Variants in NF1 observed in about 807,000 individuals in gnomAD.
The protein encoded by NF1 is neurofibromin.
NF1 carries 122 observed loss-of-function variants against 325.7 expected under a neutral mutation model. The observed-to-expected ratio is 0.37, with a 90% confidence interval of 0.32 to 0.44. NF1 has a LOEUF of 0.44. Ranked by LOEUF, NF1 falls within the 20% of genes least tolerant of loss-of-function variation. The probability of loss-of-function intolerance (pLI) is 1.00; values close to 1 mark genes in which losing one functional copy is unlikely to be tolerated. For missense variants in NF1, 2,140 were observed against 3,415.4 expected (o/e 0.63, Z 9.31); for synonymous variants, 1,091 against 1,186.0 (o/e 0.92, Z 1.65).
At chr17:31,339,706 C>T (rs998355478) in intron 46 of NF1, among the ~76,000 whole-genome samples, 5 of 152,202 alleles carry the variant, frequency 3.3e-5, no homozygotes, top group African/African-American at 1.2e-4. Context: ...CTATTTGACT[C>T]TAAAGTCCAT....
Position 31,335,853 on chromosome 17 carries a change from ATTTTTTTT to A in NF1, c.6007-466_6007-459del, listed in dbSNP as rs71360768. The stretch of plus-strand genomic sequence containing the variant: ...ACCAACACACCTGGCTAATTTTTGT[ATTTTTTTT>A]TTTTTTTTTTTTTAGAGATAGGGTT... On this transcript the variant is annotated intron_variant, in intron 40 of 57. Coordinates refer to ENST00000358273, the MANE Select transcript of NF1 (RefSeq NM_001042492.3). Among the ~76,000 whole-genome samples the A allele has an allele frequency of 1.2e-4, 14 of 112,764 alleles. No individual in the cohort carries two copies. The South Asian group carries it at 2.8e-3, about 23-fold the overall frequency. The allele number at this position is 112,764 out of a possible 152,430, so 74.0% of individuals were successfully genotyped here. A position where few individuals can be genotyped will look rare whatever the true frequency, so the allele number is the denominator to read the frequency against.
intron 36 of NF1, among the ~76,000 whole-genome samples, chr17:31,323,696 AGTTACCT>A (rs1354221232): frequency 3.3e-5 from 5 of 152,122 alleles, no homozygotes; most frequent in African/African-American, 4.8e-5. Flanking sequence ...CAACACATCT[AGTTACCT>A]GTTTCTTTTC....
rs533456441 is a variant in NF1 at position 31,272,808 on chromosome 17, C to A, written c.4835+7469C>A. The A allele has an allele frequency of 2.0e-5, 3 of 152,292 alleles. No homozygotes were observed. In the South Asian group the frequency reaches 6.2e-4, roughly 32 times the overall value. 9.4% of individuals were successfully genotyped at this position (152,292 alleles called of 1,614,324 possible). A position where few individuals can be genotyped will look rare whatever the true frequency, so the allele number is the denominator to read the frequency against. ...TATAATTTTAATTGAACACTTGGAT[C>A]ACAAATAGGCAAGCATATATCCTTA... On this transcript the variant is annotated intron_variant, in intron 36 of 57. Transcript: ENST00000358273.
chr17:31,195,577 G>C (rs1206999458), intron 8 of NF1, among the ~76,000 whole-genome samples: 1 of 151,968 alleles, frequency 6.6e-6, no homozygotes, highest in Non-Finnish European at 1.5e-5. Flanking sequence ...TTTACTTTCT[G>C]TCTCTCTGAA....
intron 3 of NF1, among the ~76,000 whole-genome samples, chr17:31,160,700 G>A (rs1402103537): frequency 1.3e-5 from 2 of 152,156 alleles, no homozygotes; most frequent in African/African-American, 2.4e-5. Context: ...GAATGGTGGG[G>A]CGTGGGGTCA....
chr17:31,360,376 C>T, intron 56 of NF1, 111 bp from the exon 57 acceptor site: 4 of 914,504 alleles, frequency 4.4e-6, no homozygotes, highest in Non-Finnish European at 6.9e-6. Flanking sequence ...ATAAGTAATA[C>T]AAAGGAAGAA....
chr17:31,265,480 T>C (rs1279932511), intron 36 of NF1, 141 bp downstream of exon 36: 1 of 643,150 alleles, frequency 1.6e-6, no homozygotes, highest in African/African-American at 1.9e-5. Context: ...GCAGGGTAAA[T>C]AGCCTGCGTT....
At chr17:31,244,366 G>A (rs1243927531) in intron 29 of NF1, among the ~76,000 whole-genome samples, 1 of 152,076 alleles carries the variant, frequency 6.6e-6, no homozygotes, top group Non-Finnish European at 1.5e-5. Context: ...TCTGAGCCCA[G>A]CACAGCACCA....
chr17:31,148,971 T>G (rs769655504), intron 1 of NF1, among the ~76,000 whole-genome samples: 33 of 152,084 alleles, frequency 2.2e-4, no homozygotes, highest in Non-Finnish European at 2.4e-4. Flanking sequence ...TTTCATTTCC[T>G]AAAGGCAACC....
chr17:31,276,160 G>T (rs1481727424), intron 36 of NF1, among the ~76,000 whole-genome samples: 1 of 126,204 alleles, frequency 7.9e-6, no homozygotes, highest in Non-Finnish European at 1.5e-5. Flanking sequence ...AGTGAGCTGA[G>T]ATCGCACCAC....
intron 48 of NF1, chr17:31,346,141 C>T: frequency 5.6e-6 from 9 of 1,611,164 alleles, no homozygotes; most frequent in East Asian, 2.2e-5. Flanking sequence ...TACGTTTACA[C>T]ACTTTTCTCA....
At chr17:31,177,265 A>G (rs1315210743) in intron 5 of NF1, among the ~76,000 whole-genome samples, 1 of 152,012 alleles carries the variant, frequency 6.6e-6, no homozygotes, top group Non-Finnish European at 1.5e-5. Flanking sequence ...TGCTGGTGAT[A>G]CTCTGGCAAA....
At chr17:31,139,344 G>A (rs1469697885) in intron 1 of NF1, among the ~76,000 whole-genome samples, 3 of 149,876 alleles carry the variant, frequency 2.0e-5, no homozygotes, top group African/African-American at 5.0e-5. Context: ...ATTGCGCCTG[G>A]CCTACTCTTA....
intron 8 of NF1, among the ~76,000 whole-genome samples, chr17:31,196,089 ATACT>A (rs1167178185): frequency 6.6e-6 from 1 of 152,060 alleles, no homozygotes; most frequent in Non-Finnish European, 1.5e-5. Flanking sequence ...GTTGTATATA[ATACT>A]TACATATTTT....
chr17:31,325,075 A>C (rs1597828822), intron 36 of NF1, among the ~76,000 whole-genome samples: 1 of 152,120 alleles, frequency 6.6e-6, no homozygotes, highest in African/African-American at 2.4e-5. Context: ...TTTTGGTTTT[A>C]AGCAACATAT....
intron 5 of NF1, among the ~76,000 whole-genome samples, chr17:31,174,034 C>T (rs1311148558): frequency 1.3e-5 from 2 of 152,182 alleles, no homozygotes; most frequent in African/African-American, 2.4e-5. Flanking sequence ...ACTCATCTCT[C>T]TCTTAGACAC....
chr17:31,242,385 TGCTCACTGCACCCTCC>T (rs1415580099), intron 29 of NF1, among the ~76,000 whole-genome samples: 1 of 141,956 alleles, frequency 7.0e-6, no homozygotes, highest in Non-Finnish European at 1.5e-5. Context: ...GTGCAACCTC[TGCTCACTGCACCCTCC>T]GCCTCTACCT....
chr17:31,119,662 T>G (rs1914264943), intron 1 of NF1, among the ~76,000 whole-genome samples: 1 of 152,132 alleles, frequency 6.6e-6, no homozygotes. Context: ...GCTTTTGGTG[T>G]TTTAGTCATG....
intron 5 of NF1, among the ~76,000 whole-genome samples, chr17:31,179,896 A>G (rs1053496809): frequency 1.3e-5 from 2 of 152,216 alleles, no homozygotes; most frequent in African/African-American, 2.4e-5. Flanking sequence ...AAATAGACGC[A>G]ATAAAAAATG....
Sources: gnomAD v4.1 joint callset for allele counts (sites outside exome capture counted in the v4.1 genomes callset) on GRCh38, gnomAD v4.1.1 for gene constraint, MANE v1.5 for transcripts, NCBI Gene and HGNC (gene_info 2026-07-23, HGNC 2026-07-21) for gene names.